The following MPDZ variants were observed in gnomAD, a reference collection of about 807,000 sequenced individuals.
MPDZ encodes the protein multiple PDZ domain protein.
A neutral mutation model predicts 239.1 loss-of-function variants in MPDZ; 234 were observed. That is an observed-to-expected ratio of 0.98 (90% CI 0.88 to 1.09). The LOEUF is 1.09. Ranked by LOEUF, MPDZ falls within the 50% of genes least tolerant of loss-of-function variation. The pLI is 0.00. For synonymous variants in MPDZ, 1,048 were observed against 881.3 expected (o/e 1.19, Z -3.35); for missense variants, 3,175 against 2,510.0 (o/e 1.26, Z -5.66).
chr9:13,177,159 T>C (rs1411648553), intron 19 of MPDZ, among the ~76,000 whole-genome samples: 3 of 152,178 alleles, frequency 2.0e-5, no homozygotes, highest in Non-Finnish European at 4.4e-5. Context: ...ACAACAGATA[T>C]ATTGTATCAC....
intron 1 of MPDZ, among the ~76,000 whole-genome samples, chr9:13,258,195 C>T (rs1969879771): frequency 6.6e-6 from 1 of 152,206 alleles, no homozygotes; most frequent in African/African-American, 2.4e-5. Flanking sequence ...CATGTAGGCA[C>T]AGCTTTTACG....
chr9:13,221,537 T>C, intron 6 of MPDZ, 37 bp from the exon 7 acceptor site: 1 of 1,595,140 alleles, frequency 6.3e-7, no homozygotes, highest in Middle Eastern at 1.7e-4. Flanking sequence ...TGTAGAAATT[T>C]ACAAAGCACT....
chr9:13,180,902 A>T (rs893633040), intron 19 of MPDZ, among the ~76,000 whole-genome samples: 18 of 152,184 alleles, frequency 1.2e-4, no homozygotes, highest in Non-Finnish European at 2.1e-4. Context: ...CCCCCAAATT[A>T]GATAATTTTG....
chr9:13,125,294 C>T lies in MPDZ; in HGVS notation c.4729G>A (p.Ala1577Thr). ...SQAVPSAAGA[A>T]SGEKKNSSQS... ...GAGCTGTTCTTTTTTTCTCCACTGG[C>T]TGCACCAGCTGCTGAAGGAACAGCC... The change falls in exon 35 of 47, where the codon GCC becomes ACC. Residue 1577 changes from alanine (A) to threonine (T), a missense_variant. By Grantham distance (58) the Ala-to-Thr change is moderately conservative (BLOSUM62 0). Transcript: ENST00000319217. 5.0e-6 allele frequency: 8 copies of T among 1,613,744 alleles called. No homozygotes were observed. Among genetic ancestry groups the T allele is most frequent in the Non-Finnish European group, 5.9e-6 (7 of 1,179,708 alleles).
intron 1 of MPDZ, among the ~76,000 whole-genome samples, chr9:13,278,374 C>T (rs748671968): frequency 5.9e-5 from 9 of 152,206 alleles, no homozygotes; most frequent in East Asian, 1.9e-4. Context: ...TCTCCAGGGG[C>T]CCCCACTCGC....
At chr9:13,172,642 C>G (rs1951936602) in intron 21 of MPDZ, among the ~76,000 whole-genome samples, 1 of 152,158 alleles carries the variant, frequency 6.6e-6, no homozygotes, top group African/African-American at 2.4e-5. Flanking sequence ...TCGCCTTAGC[C>G]TCCCAAAGTG....
chr9:13,253,692 A>G (rs1445763082), intron 1 of MPDZ, among the ~76,000 whole-genome samples: 1 of 152,186 alleles, frequency 6.6e-6, no homozygotes, highest in Non-Finnish European at 1.5e-5. Context: ...GCAAGTTCTG[A>G]GGAATTTTCT....
chr9:13,166,261 C>T, intron 22 of MPDZ, among the ~76,000 whole-genome samples: 1 of 152,114 alleles, frequency 6.6e-6, no homozygotes, highest in Non-Finnish European at 1.5e-5. Context: ...ATTCACATAG[C>T]TTTCAAGGTA....
chr9:13,212,844 C>T (rs1317990654), intron 10 of MPDZ, among the ~76,000 whole-genome samples: 5 of 147,494 alleles, frequency 3.4e-5, no homozygotes, highest in Non-Finnish European at 7.5e-5. Flanking sequence ...GTAGTGTGCA[C>T]TGCAGACACT....
Position 13,206,067 on chromosome 9 carries a change from A to G in MPDZ, c.1323T>C (p.Asn441=), listed in dbSNP as rs771738493. The change falls in exon 11 of 47, where the codon AAT becomes AAC. Residue 441 remains asparagine (N), a synonymous_variant. Coordinates refer to ENST00000319217, the MANE Select transcript of MPDZ (RefSeq NM_001378778.1). ...GTCGCAATACCTCTACTGCTTGCTGATTAGTAAAACCCTGAAGGTTTGTGC... is the reference window on the plus strand; with the variant it reads ...GTCGCAATACCTCTACTGCTTGCTGGTTAGTAAAACCCTGAAGGTTTGTGC... ...VDGTNLQGFT[N]QQAVEVLRHT... 9.3e-6 allele frequency: 15 copies of G among 1,610,922 alleles called. No homozygotes were observed. Among genetic ancestry groups the G allele is most frequent in the African/African-American group, 1.3e-5 (1 of 74,508 alleles).
intron 27 of MPDZ, 131 bp downstream of exon 27, chr9:13,143,335 G>T: frequency 1.5e-6 from 1 of 673,510 alleles, no homozygotes; most frequent in Non-Finnish European, 2.6e-6. Flanking sequence ...ACTCCAAACA[G>T]CTTTGTTTTT....
intron 1 of MPDZ, among the ~76,000 whole-genome samples, chr9:13,253,158 G>C (rs960478429): frequency 4.0e-5 from 6 of 149,546 alleles, no homozygotes; most frequent in Admixed American, 1.3e-4. Context: ...TTGTCCAGAA[G>C]TTCACCTACA....
At chr9:13,224,232 T>A in intron 4 of MPDZ, 142 bp downstream of exon 4, 1 of 709,762 alleles carries the variant, frequency 1.4e-6, no homozygotes, top group Non-Finnish European at 2.3e-6. Flanking sequence ...CTGAACCATC[T>A]AAACTCCCAC....
intron 46 of MPDZ, 38 bp from the exon 47 acceptor site, chr9:13,107,149 A>T: frequency 6.5e-7 from 1 of 1,528,084 alleles, no homozygotes; most frequent in Non-Finnish European, 8.9e-7. Flanking sequence ...TTTCTCAAAA[A>T]ATGCTGCCTT....
chr9:13,153,619 T>A (rs1436076264), intron 24 of MPDZ, among the ~76,000 whole-genome samples: 1 of 152,122 alleles, frequency 6.6e-6, no homozygotes, highest in African/African-American at 2.4e-5. Context: ...ATTATAGGCA[T>A]GAGCCACCAC....
chr9:13,176,216 C>T lies in MPDZ; in HGVS notation c.2851G>A (p.Val951Met), dbSNP rs568845142. 1 of 1,603,848 alleles carries T rather than the reference C, an allele frequency of 6.2e-7. No homozygotes were observed. The highest frequency in any genetic ancestry group is 2.2e-5 in the East Asian group (1 of 44,496). The change falls in exon 20 of 47, where the codon GTG becomes ATG. Residue 951 changes from valine (V) to methionine (M), a missense_variant. Val to Met is a conservative substitution (Grantham distance 21). Coordinates refer to ENST00000319217, the MANE Select transcript of MPDZ (RefSeq NM_001378778.1). The stretch of plus-strand genomic sequence containing the variant: ...CTTGGTAAATGAGATTCAGTCCACA[C>T]TATTGTGTTTTCACATTCATATTGT... ...EQQYECENTIVWTESHLPSEV... is the reference protein window; with the variant it reads ...EQQYECENTIMWTESHLPSEV...
At chr9:13,216,333 G>A (rs1352237575) in intron 10 of MPDZ, among the ~76,000 whole-genome samples, 1 of 147,164 alleles carries the variant, frequency 6.8e-6, no homozygotes, top group Non-Finnish European at 1.5e-5. Context: ...CCTCAGGGCT[G>A]AAAGCAGCCG....
intron 3 of MPDZ, among the ~76,000 whole-genome samples, chr9:13,228,413 G>A (rs992811129): frequency 7.9e-5 from 12 of 152,026 alleles, no homozygotes; most frequent in African/African-American, 2.9e-4. Context: ...GTATTTAAAA[G>A]TACAGGAAAA....
At chr9:13,258,014 T>C (rs764064797) in intron 1 of MPDZ, among the ~76,000 whole-genome samples, 16 of 152,200 alleles carry the variant, frequency 1.1e-4, no homozygotes, top group Non-Finnish European at 2.4e-4. Context: ...AGCTGCCTAA[T>C]CCTTAATAAA....
Sources: allele counts gnomAD v4.1 joint callset (sites outside exome capture counted in the v4.1 genomes callset), GRCh38; gene constraint gnomAD v4.1.1; transcripts MANE v1.5; gene names NCBI Gene and HGNC (gene_info 2026-07-23, HGNC 2026-07-21).